Variants in NTN4 observed in about 807,000 individuals in gnomAD.
NTN4 encodes the protein netrin 4.
A neutral mutation model predicts 73.6 loss-of-function variants in NTN4; 32 were observed. That is an observed-to-expected ratio of 0.44 (90% CI 0.33 to 0.58). NTN4 has a LOEUF of 0.58. Among genes scored for constraint, NTN4 ranks in the 20% least tolerant of loss-of-function variants. The pLI is 0.04. For synonymous variants in NTN4, 258 were observed against 287.5 expected, an observed-to-expected ratio of 0.90 and a Z score of 1.04; for missense variants, 654 against 798.3, an observed-to-expected ratio of 0.82 and a Z score of 2.18.
intron 2 of NTN4, among the ~76,000 whole-genome samples, chr12:95,761,326 C>CCTTTTT (rs567145061): frequency 7.5e-6 from 1 of 133,168 alleles, no homozygotes; most frequent in East Asian, 2.3e-4. Context: ...AAGAGATATT[C>CCTTTTT]TTTTTTTTTT....
intron 3 of NTN4, among the ~76,000 whole-genome samples, chr12:95,724,300 T>G (rs2078674215): frequency 6.6e-6 from 1 of 152,220 alleles, no homozygotes. Flanking sequence ...ATTATGAGAT[T>G]TTTTTCCATC....
At chr12:95,661,770 G>A (rs992925031) in intron 9 of NTN4, among the ~76,000 whole-genome samples, 1 of 152,170 alleles carries the variant, frequency 6.6e-6, no homozygotes, top group Non-Finnish European at 1.5e-5. Flanking sequence ...CCACACAAAT[G>A]TTGATGGTCA....
At chr12:95,746,287 G>C (rs1430560286) in intron 2 of NTN4, among the ~76,000 whole-genome samples, 1 of 152,152 alleles carries the variant, frequency 6.6e-6, no homozygotes, top group East Asian at 1.9e-4. Flanking sequence ...CCTTGTAATA[G>C]TCTTAAAGCC....
chr12:95,726,594 G>A (rs533501388), intron 3 of NTN4, among the ~76,000 whole-genome samples: 2 of 152,232 alleles, frequency 1.3e-5, no homozygotes, highest in African/African-American at 4.8e-5. Context: ...AAGATTTTGT[G>A]TAGACATGTT....
intron 6 of NTN4, 27 bp from the exon 7 acceptor site, chr12:95,682,849 C>A (rs530778681): frequency 7.9e-6 from 11 of 1,387,758 alleles, no homozygotes; most frequent in Admixed American, 5.3e-5. Context: ...TGATAAAGAA[C>A]GTATTCAGGA....
In NTN4 at chr12:95,781,016, G is replaced by A. The variant is rs113233676; in HGVS notation, c.585+5923C>T. Among the ~76,000 whole-genome samples, 10,452 of 150,884 alleles carry A rather than the reference G, an allele frequency of 0.069. 506 individuals are homozygous for A. Among genetic ancestry groups the A allele is most frequent in the Non-Finnish European group, 0.1 (6,746 of 67,734 alleles). The stretch of plus-strand genomic sequence containing the variant: ...CCTTTGTAGGGACATGGATGAAGCT[G>A]GAAACCATCATTCTCAGCAAACTAT... On this transcript the variant is annotated intron_variant, in intron 2 of 9. Transcript: ENST00000343702. The surrounding 1 kb of genome is among the most constrained non-coding windows in gnomAD (Gnocchi z 4.1).
Position 95,787,376 on chromosome 12 carries a change from C to G in NTN4, c.148G>C (p.Asp50His), listed in dbSNP as rs1459371060. 3 of 1,614,224 alleles carry G rather than the reference C, an allele frequency of 1.9e-6. No homozygotes were observed. Reference sequence around the variant, plus strand: ...GTAGCATTCTGACCGCAGGTGGTGTCTGCCCAGAGTTTTCGCCCCAAAGCC... The same window carrying G: ...GTAGCATTCTGACCGCAGGTGGTGTGTGCCCAGAGTTTTCGCCCCAAAGCC... ...NLALGRKLWA[D>H]TTCGQNATEL... Residue 50 changes from aspartate (D) to histidine (H), a missense_variant, in exon 2 of 10, where the codon GAC (aspartate) becomes CAC (histidine). Transcript: ENST00000343702.
intron 5 of NTN4, among the ~76,000 whole-genome samples, chr12:95,706,535 TA>T (rs1385214408): frequency 6.6e-6 from 1 of 152,218 alleles, no homozygotes; most frequent in Non-Finnish European, 1.5e-5. Flanking sequence ...TATACATCAT[TA>T]AAATACATTG....
chr12:95,678,285 T>A (rs1278971676), intron 7 of NTN4, among the ~76,000 whole-genome samples: 1 of 146,564 alleles, frequency 6.8e-6, no homozygotes, highest in African/African-American at 2.6e-5. Context: ...AGCAAACCAC[T>A]ATGGCACATG....
chr12:95,758,021 G>A (rs758317301), intron 2 of NTN4, among the ~76,000 whole-genome samples: 2 of 152,150 alleles, frequency 1.3e-5, no homozygotes, highest in Non-Finnish European at 2.9e-5. Context: ...TACAGATTCT[G>A]GCTATTATGA....
chr12:95,695,782 G>A (rs2078436874), intron 5 of NTN4, among the ~76,000 whole-genome samples: 1 of 152,096 alleles, frequency 6.6e-6, no homozygotes, highest in African/African-American at 2.4e-5. Context: ...ATATCTAAGA[G>A]ATCTTAGGCA....
chr12:95,662,190 CCCCTCCCCTT>C (rs1411374213), intron 9 of NTN4, among the ~76,000 whole-genome samples: 1 of 147,322 alleles, frequency 6.8e-6, no homozygotes, highest in South Asian at 2.2e-4. Context: ...CGTCTCCCCT[CCCCTCCCCTT>C]CCCTCCCCTC....
intron 9 of NTN4, among the ~76,000 whole-genome samples, chr12:95,662,149 A>G (rs1245271055): frequency 1.3e-5 from 2 of 152,154 alleles, no homozygotes; most frequent in Non-Finnish European, 2.9e-5. Context: ...TCTGGGGGAT[A>G]GAAATGTGAA....
rs1174318245 is a variant in NTN4, at chr12:95,741,427, TTATATATATATATATATA to T, written c.586-3301_586-3284del. On this transcript the variant is annotated intron_variant, in intron 2 of 9. Transcript: ENST00000343702. The stretch of plus-strand genomic sequence containing the variant: ...ACCTATAATGTAAATTATGTATAAA[TTATATATATATATATATA>T]TATATATATATATATATATATATAT... Among the ~76,000 whole-genome samples the T allele has an allele frequency of 1.4e-3, 70 of 51,042 alleles. 3 individuals are homozygous for T. Among genetic ancestry groups the T allele is most frequent in the Admixed American group, 3.7e-3 (12 of 3,278 alleles). 33.5% of individuals were successfully genotyped at this position (51,042 alleles called of 152,430 possible). A position where few individuals can be genotyped will look rare whatever the true frequency, so the allele number is the denominator to read the frequency against.
intron 3 of NTN4, among the ~76,000 whole-genome samples, chr12:95,718,276 A>G (rs1203107365): frequency 1.3e-5 from 2 of 152,170 alleles, no homozygotes; most frequent in Non-Finnish European, 2.9e-5. Context: ...TTGCCTAGAA[A>G]AGCTGCTTTT....
intron 3 of NTN4, among the ~76,000 whole-genome samples, chr12:95,718,846 G>A (rs1214518512): frequency 6.6e-6 from 1 of 151,952 alleles, no homozygotes; most frequent in African/African-American, 2.4e-5. Context: ...TCTACTGCAT[G>A]TTTCCCATTG....
At chr12:95,671,779 A>C (rs138588850) in intron 7 of NTN4, among the ~76,000 whole-genome samples, 1 of 152,214 alleles carries the variant, frequency 6.6e-6, no homozygotes, top group East Asian at 1.9e-4. Flanking sequence ...ATATCTTATC[A>C]ACCTTACATT....
At chr12:95,725,930 G>T (rs1329198511) in intron 3 of NTN4, among the ~76,000 whole-genome samples, 1 of 152,168 alleles carries the variant, frequency 6.6e-6, no homozygotes, top group Admixed American at 6.5e-5. Context: ...GCTATTGAAA[G>T]AATTGGTTTT....
Position 95,658,300 on chromosome 12 carries a change from GT to G in NTN4, c.*785del, listed in dbSNP as rs1221344870. On this transcript the variant is annotated 3_prime_UTR_variant, in exon 10 of 10. Coordinates refer to ENST00000343702, the MANE Select transcript of NTN4 (RefSeq NM_021229.4). ...TTATTTTAAAGTCTCTTCTGGTTTA[GT>G]TTTTTAAAAAGTTTCATCATGGCTG... is the stretch of plus-strand genomic sequence containing the variant. 6.6e-6 allele frequency: 1 copy of G among 152,252 alleles called. No individual in the cohort carries two copies. The highest frequency in any genetic ancestry group is 2.4e-5 in the African/African-American group (1 of 41,568). 9.4% of individuals were successfully genotyped at this position (152,252 alleles called of 1,614,324 possible). A position where few individuals can be genotyped will look rare whatever the true frequency, so the allele number is the denominator to read the frequency against.
Sources: allele counts gnomAD v4.1 joint callset (sites outside exome capture counted in the v4.1 genomes callset), GRCh38; gene constraint gnomAD v4.1.1; non-coding constraint Gnocchi (gnomAD v3.1); transcripts MANE v1.5; gene names NCBI Gene and HGNC (gene_info 2026-07-23, HGNC 2026-07-21).